Variants in MARK1 observed in about 807,000 individuals in gnomAD.
MARK1 encodes serine/threonine-protein kinase MARK1.
MARK1 carries 40 observed loss-of-function variants against 96.3 expected under a neutral mutation model. That is an observed-to-expected ratio of 0.42 (90% CI 0.32 to 0.54). The LOEUF (loss-of-function observed/expected upper bound fraction) is 0.54. Ranked by LOEUF, MARK1 falls within the 20% of genes least tolerant of loss-of-function variation. The pLI is 0.16. For missense variants in MARK1, 719 were observed against 984.6 expected (o/e 0.73, Z 3.61); for synonymous variants, 317 against 341.2 (o/e 0.93, Z 0.78).
At chr1:220,582,425 T>C (rs552330368) in intron 3 of MARK1, among the ~76,000 whole-genome samples, 10 of 152,332 alleles carry the variant, frequency 6.6e-5, no homozygotes, top group Admixed American at 3.3e-4. Flanking sequence ...TGTTTTTTAC[T>C]GGGCTGGAAC....
At chr1:220,574,067 A>G (rs1211694267) in intron 1 of MARK1, among the ~76,000 whole-genome samples, 7 of 152,084 alleles carry the variant, frequency 4.6e-5, no homozygotes, top group African/African-American at 9.7e-5. Context: ...TCTGTTGACT[A>G]TTATTTCTCT....
chr1:220,537,826 T>A (rs1660824889), intron 1 of MARK1, among the ~76,000 whole-genome samples: 1 of 152,146 alleles, frequency 6.6e-6, no homozygotes, highest in South Asian at 2.1e-4. Flanking sequence ...TTTGCATTTC[T>A]CTGATGGTCA....
rs1350966189 is a variant in MARK1 at position 220,551,659 on chromosome 1, CT to C, written c.51+22789del. ...CATAAAGAGTTAGCTAATGTTAACA[CT>C]TTGATGTTGAATGATGGAGAAATGG... On this transcript the variant is annotated intron_variant, in intron 1 of 17. Coordinates refer to ENST00000366917, the MANE Select transcript of MARK1 (RefSeq NM_018650.5). 4.6e-5 allele frequency among the ~76,000 whole-genome samples: 7 copies of C among 151,840 alleles called. No individual in the cohort carries two copies. In the East Asian group the frequency reaches 1.4e-3, roughly 29 times the overall value.
chr1:220,630,752 T>C (rs1037524137), intron 9 of MARK1, among the ~76,000 whole-genome samples: 5 of 152,236 alleles, frequency 3.3e-5, no homozygotes, highest in African/African-American at 1.2e-4. Flanking sequence ...TTATAAGAAG[T>C]AAATTCTTAT....
intron 1 of MARK1, among the ~76,000 whole-genome samples, chr1:220,542,358 C>G (rs1481320051): frequency 6.6e-6 from 1 of 152,122 alleles, no homozygotes; most frequent in African/African-American, 2.4e-5. Context: ...TCTGCTAATT[C>G]TCATTCACTA....
At chr1:220,561,934 A>G (rs1323016228) in intron 1 of MARK1, among the ~76,000 whole-genome samples, 1 of 152,172 alleles carries the variant, frequency 6.6e-6, no homozygotes, top group Non-Finnish European at 1.5e-5. Context: ...TATGTGGGGG[A>G]AAACTTACCA....
chr1:220,528,908 G>C, intron 1 of MARK1, 35 bp downstream of exon 1: 1 of 1,537,842 alleles, frequency 6.5e-7, no homozygotes, highest in Non-Finnish European at 8.8e-7. Context: ...GAGCAGTGGG[G>C]GCGAGACCCT....
intron 1 of MARK1, among the ~76,000 whole-genome samples, chr1:220,548,757 G>GA (rs1353988826): frequency 6.6e-6 from 1 of 151,040 alleles, no homozygotes; most frequent in South Asian, 2.1e-4. Context: ...TCCCATCTCA[G>GA]AAAAAAAATA....
intron 1 of MARK1, among the ~76,000 whole-genome samples, chr1:220,540,480 C>G (rs1661059275): frequency 6.6e-6 from 1 of 152,184 alleles, no homozygotes; most frequent in Admixed American, 6.5e-5. Context: ...TGGAAAAACT[C>G]TCTTGGATAT....
intron 3 of MARK1, among the ~76,000 whole-genome samples, chr1:220,586,778 T>C (rs1166411289): frequency 6.6e-6 from 1 of 152,230 alleles, no homozygotes; most frequent in Admixed American, 6.5e-5. Context: ...ACTAACTATC[T>C]GGCTGTTTTA....
At chr1:220,585,116 G>A (rs1253746801) in intron 3 of MARK1, among the ~76,000 whole-genome samples, 1 of 152,110 alleles carries the variant, frequency 6.6e-6, no homozygotes, top group Non-Finnish European at 1.5e-5. Flanking sequence ...GCTTTTTTGA[G>A]GGTTAAAGGT....
chr1:220,613,042 GTC>G (rs1666543961), intron 6 of MARK1, among the ~76,000 whole-genome samples: 1 of 152,152 alleles, frequency 6.6e-6, no homozygotes, highest in Non-Finnish European at 1.5e-5. Context: ...GATGTGTGTG[GTC>G]TTACCGTCAG....
At chr1:220,644,156 C>T (rs1668446143) in intron 13 of MARK1, among the ~76,000 whole-genome samples, 1 of 152,106 alleles carries the variant, frequency 6.6e-6, no homozygotes, top group African/African-American at 2.4e-5. Context: ...CATCAGTGTG[C>T]TGTATTCAAG....
In MARK1 at chr1:220,610,282, G is replaced by A. The variant is rs186788520; in HGVS notation, c.496-5657G>A. 5.3e-5 allele frequency among the ~76,000 whole-genome samples: 8 copies of A among 152,006 alleles called. No homozygotes were observed. In the South Asian group the frequency reaches 8.3e-4, roughly 16 times the overall value. On this transcript the variant is annotated intron_variant, in intron 6 of 17. Coordinates refer to ENST00000366917, the MANE Select transcript of MARK1 (RefSeq NM_018650.5). ...CTTTTTTCTCTAACCTTATCTTCTC[G>A]CTTTATTTCACTAATTTGATCTTCA...
chr1:220,625,344 C>T (rs1667266505), intron 9 of MARK1, among the ~76,000 whole-genome samples: 1 of 152,114 alleles, frequency 6.6e-6, no homozygotes, highest in Non-Finnish European at 1.5e-5. Flanking sequence ...TATGTACTGA[C>T]CATTTAGTGC....
chr1:220,579,555 G>GAGGT lies in MARK1; in HGVS notation c.255_255+3dup, dbSNP rs1664091847. 1 of 1,613,672 alleles carries GAGGT rather than the reference G, an allele frequency of 6.2e-7. No individual in the cohort carries two copies. The highest frequency in any genetic ancestry group is 1.7e-5 in the Admixed American group (1 of 59,986). On this transcript the variant is annotated frameshift_variant and splice_region_variant, in exon 2 of 18. Coordinates refer to ENST00000366917, the MANE Select transcript of MARK1 (RefSeq NM_018650.5). LOFTEE classifies it high-confidence loss of function. The stretch of plus-strand genomic sequence containing the variant: ...GGCAAGACACGTTCTAACTGGTAGA[G>GAGGT]AGGTAAGTTTGCACAATGCCTTTTA...
chr1:220,545,237 G>A (rs1045378895), intron 1 of MARK1, among the ~76,000 whole-genome samples: 3 of 152,260 alleles, frequency 2.0e-5, no homozygotes, highest in Admixed American at 1.3e-4. Context: ...CCCTGAAGAG[G>A]GCAGCATTTA....
At position 220,635,973 on chromosome 1, in the gene MARK1, A is replaced by G; in HGVS notation, c.1417A>G (p.Thr473Ala). ...AACAGTTGGATCAAAAAGCGAGATGACTGCAAGCCCTCTTGTAGGGCCAGA... is the reference window on the plus strand; with the variant it reads ...AACAGTTGGATCAAAAAGCGAGATGGCTGCAAGCCCTCTTGTAGGGCCAGA... ...STTVGSKSEM[T>A]ASPLVGPERK... The change falls in exon 13 of 18, where the codon ACT becomes GCT. Residue 473 changes from threonine to alanine, a missense_variant. By Grantham distance (58) the Thr-to-Ala change is moderately conservative. This residue lies in a region of MARK1 where 501 missense variants were observed against 588.3 expected (regional missense o/e 0.85). Coordinates refer to ENST00000366917, the MANE Select transcript of MARK1 (RefSeq NM_018650.5). 2 of 1,614,018 alleles carry G rather than the reference A, an allele frequency of 1.2e-6. No individual in the cohort carries two copies. Among genetic ancestry groups the G allele is most frequent in the Non-Finnish European group, 1.7e-6 (2 of 1,179,966 alleles).
intron 14 of MARK1, among the ~76,000 whole-genome samples, chr1:220,651,338 A>G (rs1668861403): frequency 6.6e-6 from 1 of 152,218 alleles, no homozygotes; most frequent in South Asian, 2.1e-4. Context: ...TAGTGTGTAC[A>G]ACCCATTCTC....
Sources: allele counts gnomAD v4.1 joint callset (sites outside exome capture counted in the v4.1 genomes callset), GRCh38; gene constraint gnomAD v4.1.1; regional missense constraint gnomAD v4.1.1; transcripts MANE v1.5; gene names NCBI Gene and HGNC (gene_info 2026-07-23, HGNC 2026-07-21).